The following DIP2A variants were observed in gnomAD, a reference collection of about 807,000 sequenced individuals.
DIP2A encodes the protein disco-interacting protein 2 homolog A.
DIP2A carries 85 observed loss-of-function variants against 177.4 expected under a neutral mutation model. The ratio of observed to expected loss-of-function variants is 0.48; its 90% confidence interval spans 0.40 to 0.57. The LOEUF is 0.57. Ranked by LOEUF, DIP2A falls within the 20% of genes least tolerant of loss-of-function variation. The probability of loss-of-function intolerance (pLI) is 0.00; values close to 1 mark genes in which losing one functional copy is unlikely to be tolerated. For synonymous variants in DIP2A, 886 were observed against 881.8 expected, an observed-to-expected ratio of 1.00 and a Z score of -0.08; for missense variants, 1,791 against 2,100.2, an observed-to-expected ratio of 0.85 and a Z score of 2.88.
chr21:46,540,898 C>T (rs2059788144), intron 17 of DIP2A, among the ~76,000 whole-genome samples: 1 of 151,672 alleles, frequency 6.6e-6, no homozygotes. Context: ...GCCTATAGTC[C>T]CAGCTACTCG....
chr21:46,566,005 G>C, intron 36 of DIP2A, 118 bp downstream of exon 36: 4 of 1,194,260 alleles, frequency 3.3e-6, no homozygotes, highest in Admixed American at 2.3e-5. Flanking sequence ...ATTGCTCCTT[G>C]TGGGGGGAAG....
Position 46,549,793 on chromosome 21 carries a change from G to A in DIP2A, c.2545G>A (p.Val849Met), listed in dbSNP as rs1367407880. Residue 849 changes from valine (V) to methionine (M), a missense_variant, in exon 22 of 38, where the codon GTG becomes ATG. By Grantham distance (21) the Val-to-Met change is conservative. Coordinates refer to ENST00000417564, the MANE Select transcript of DIP2A (RefSeq NM_015151.4). ...RGRIAVFSVT[V>M]LHDDRIVLVA... Reference sequence around the variant, plus strand: ...CAGGATCGCTGTGTTCTCTGTGACCGTGCTGCACGACGACCGGATTGTCCT... The same window carrying A: ...CAGGATCGCTGTGTTCTCTGTGACCATGCTGCACGACGACCGGATTGTCCT... The A allele has an allele frequency of 6.8e-6, 11 of 1,613,638 alleles. No individual in the cohort carries two copies. Among genetic ancestry groups the A allele is most frequent in the South Asian group, 1.1e-5 (1 of 91,088 alleles).
At chr21:46,516,957 A>AATTAT (rs2058609782) in intron 8 of DIP2A, among the ~76,000 whole-genome samples, 2 of 152,112 alleles carry the variant, frequency 1.3e-5, no homozygotes, top group South Asian at 4.2e-4. Context: ...GCTGCCTTGA[A>AATTAT]TACACACATT....
intron 1 of DIP2A, among the ~76,000 whole-genome samples, chr21:46,461,396 A>G (rs2078203): frequency 0.74 from 111,863 of 151,764 alleles, 41,360 homozygotes; most frequent in Middle Eastern, 0.8. Flanking sequence ...ACTGTACTGC[A>G]TTTGTTAAGG....
intron 1 of DIP2A, among the ~76,000 whole-genome samples, chr21:46,460,173 C>A (rs1381265109): frequency 6.6e-6 from 1 of 152,048 alleles, no homozygotes; most frequent in Non-Finnish European, 1.5e-5. Context: ...GAGTTGTTAG[C>A]CCCCTCATGG....
rs138144550 is a variant in DIP2A at position 46,542,733 on chromosome 21, T to C, written c.2176+838T>C. On this transcript the variant is annotated intron_variant, in intron 18 of 37. Transcript: ENST00000417564. ...GGCCCTTCTGGGGTTCACGGGCAGC[T>C]GTCAGGGCCCCTTTTGGTGACTTCT... Among the ~76,000 whole-genome samples the C allele has an allele frequency of 1.4e-3, 209 of 152,378 alleles. 5 individuals carry two copies. In the East Asian group the frequency reaches 0.032, roughly 23 times the overall value.
intron 2 of DIP2A, among the ~76,000 whole-genome samples, chr21:46,490,093 G>A (rs1054414058): frequency 2.6e-5 from 4 of 152,144 alleles, no homozygotes; most frequent in African/African-American, 7.2e-5. Flanking sequence ...TGCCCCTCTC[G>A]CTCTTGTTTT....
At chr21:46,560,822 G>A (rs917089671) in intron 33 of DIP2A, 39 bp downstream of exon 33, 3 of 1,579,020 alleles carry the variant, frequency 1.9e-6, no homozygotes, top group Non-Finnish European at 2.6e-6. Context: ...TGGATACCCA[G>A]TGGCAAAGTG....
At chr21:46,582,503 A>G in the DIP2A span, among the ~76,000 whole-genome samples, 1 of 152,132 alleles carries the variant, frequency 6.6e-6, no homozygotes, top group Admixed American at 6.5e-5. Context: ...TGGAAAAAAC[A>G]TGGTTTTCCA....
Position 46,487,171 on chromosome 21 carries a change from G to A in DIP2A, c.163+2343G>A, listed in dbSNP as rs117874413. Among the ~76,000 whole-genome samples the A allele has an allele frequency of 8.5e-3, 1,294 of 152,244 alleles. 9 individuals are homozygous for A. Among genetic ancestry groups the A allele is most frequent in the Non-Finnish European group, 0.013 (915 of 68,014 alleles). On this transcript the variant is annotated intron_variant, in intron 2 of 37. Coordinates refer to ENST00000417564, the MANE Select transcript of DIP2A (RefSeq NM_015151.4). ...AACCTATGTGGTGGTTACATTGATT[G>A]TTTCTTAATAATATTCTTAAACTGC...
At chr21:46,532,476 A>G (rs759820885) in intron 10 of DIP2A, among the ~76,000 whole-genome samples, 4 of 152,278 alleles carry the variant, frequency 2.6e-5, no homozygotes, top group South Asian at 2.1e-4. Flanking sequence ...CTCCCACACC[A>G]CACTCTTATT....
At chr21:46,506,116 G>A (rs2057967072) in intron 6 of DIP2A, among the ~76,000 whole-genome samples, 4 of 152,034 alleles carry the variant, frequency 2.6e-5, no homozygotes, top group Non-Finnish European at 4.4e-5. Flanking sequence ...TATTGTAGGT[G>A]TATTTCACCT....
At chr21:46,532,022 C>T (rs2059376177) in intron 9 of DIP2A, 105 bp from the exon 10 acceptor site, 2 of 1,010,120 alleles carry the variant, frequency 2.0e-6, no homozygotes, top group South Asian at 3.4e-5. Context: ...ACAATTATTA[C>T]AATATTTGGG....
In DIP2A at chr21:46,561,753, G is replaced by T. The variant is rs766607302; in HGVS notation, c.4037G>T (p.Arg1346Leu). 1 of 1,613,938 alleles carries T rather than the reference G, an allele frequency of 6.2e-7. No homozygotes were observed. The change falls in exon 34 of 38, where the codon CGT becomes CTT. Residue 1346 changes from arginine to leucine, a missense_variant. Arg to Leu is a moderately radical substitution (Grantham distance 102). Coordinates refer to ENST00000417564, the MANE Select transcript of DIP2A (RefSeq NM_015151.4). Reference protein sequence around the residue: ...DMRALRHDRVRLVERGSPHSL... With the variant: ...DMRALRHDRVLLVERGSPHSL... ...ATTGTTCCCTTAATTTTTAGGGTTC[G>T]TTTGGTAGAACGGGGTTCTCCGCAC...
chr21:46,555,989 C>G lies in DIP2A; in HGVS notation c.3396C>G (p.Ile1132Met), dbSNP rs201563874. The G allele has an allele frequency of 2.5e-6, 4 of 1,613,104 alleles. No individual in the cohort carries two copies. The highest frequency in any genetic ancestry group is 3.3e-5 in the Admixed American group (2 of 60,004). Residue 1132 changes from isoleucine to methionine, a missense_variant, in exon 29 of 38, where the codon ATC (isoleucine) becomes ATG (methionine). By Grantham distance (10) the Ile-to-Met change is conservative (BLOSUM62 1). Coordinates refer to ENST00000417564, the MANE Select transcript of DIP2A (RefSeq NM_015151.4). ...GTGTCTCCTGTTTAACAGATGACAT[C>G]CCAAAAAAGAAGATAGCAAGCGTTT... ...TWPTILDTDD[I>M]PKKKIASVFR... is the part of the protein sequence containing the mutation.
chr21:46,460,643 T>C (rs1267868639), intron 1 of DIP2A, among the ~76,000 whole-genome samples: 3 of 152,166 alleles, frequency 2.0e-5, no homozygotes, highest in Admixed American at 2.0e-4. Flanking sequence ...AACATGTACT[T>C]GCAACTATTT....
chr21:46,525,420 C>T (rs1016090402), intron 8 of DIP2A, among the ~76,000 whole-genome samples: 1 of 152,220 alleles, frequency 6.6e-6, no homozygotes, highest in Admixed American at 6.5e-5. Flanking sequence ...CCCCACTCTT[C>T]TGTGGTGGCA....
Position 46,503,607 on chromosome 21 carries a change from CCTTCCTTTCTTTCTTT to C in DIP2A, c.656-750_656-735del, listed in dbSNP as rs1443429656. Among the ~76,000 whole-genome samples, 25 of 102,986 alleles carry C rather than the reference CCTTCCTTTCTTTCTTT, an allele frequency of 2.4e-4. 1 individual carries two copies. Among genetic ancestry groups the C allele is most frequent in the African/African-American group, 7.9e-4 (24 of 30,300 alleles). 67.6% of individuals were successfully genotyped at this position (102,986 alleles called of 152,430 possible). On this transcript the variant is annotated intron_variant, in intron 5 of 37. Coordinates refer to ENST00000417564, the MANE Select transcript of DIP2A (RefSeq NM_015151.4). ...TCCTTCCTTCCTTCCTTCCTTCCTTCCTTCCTTTCTTTCTTTCTTTCTTTCTTTCCTTTCTTTCTTT... is the reference window on the plus strand; with the variant it reads ...TCCTTCCTTCCTTCCTTCCTTCCTTCCTTTCTTTCTTTCCTTTCTTTCTTT...
chr21:46,523,610 C>T (rs973514031), intron 8 of DIP2A, among the ~76,000 whole-genome samples: 5 of 109,280 alleles, frequency 4.6e-5, no homozygotes, highest in African/African-American at 1.1e-4. Context: ...GGCCTTACGG[C>T]CAAAGGTAAC....
Sources: gnomAD v4.1 joint callset for allele counts (sites outside exome capture counted in the v4.1 genomes callset) on GRCh38, gnomAD v4.1.1 for gene constraint, MANE v1.5 for transcripts, NCBI Gene and HGNC (gene_info 2026-07-23, HGNC 2026-07-21) for gene names.